FAM20B: variants seen among roughly 807,000 people sequenced by gnomAD.
FAM20B encodes FAM20B glycosaminoglycan xylosylkinase, also known as glycosaminoglycan xylosylkinase.
A neutral mutation model predicts 43.8 loss-of-function variants in FAM20B; 23 were observed. The observed-to-expected ratio is 0.53, with a 90% CI of 0.38 to 0.74. The LOEUF (loss-of-function observed/expected upper bound fraction) is 0.74, where lower values mean the gene tolerates loss of function less well. Among genes scored for constraint, FAM20B ranks in the 30% least tolerant of loss-of-function variants. The pLI is 0.00. For synonymous variants in FAM20B, 178 were observed against 192.4 expected (o/e 0.93, Z 0.62); for missense variants, 440 against 510.5 (o/e 0.86, Z 1.33).
chr1:179,048,633 G>T (rs1456957564), intron 2 of FAM20B, among the ~76,000 whole-genome samples: 5 of 151,920 alleles, frequency 3.3e-5, no homozygotes, highest in African/African-American at 9.7e-5. Context: ...TTGCTGCAGG[G>T]GTATTTCAAA....
At chr1:179,045,862 C>T (rs546204873) in intron 2 of FAM20B, among the ~76,000 whole-genome samples, 1 of 151,830 alleles carries the variant, frequency 6.6e-6, no homozygotes, top group East Asian at 1.9e-4. Context: ...CCACTGCCCT[C>T]CAGCCTGGGT....
upstream of FAM20B, among the ~76,000 whole-genome samples, chr1:179,021,317 C>CA (rs943728584): frequency 3.9e-3 from 583 of 148,386 alleles, 5 homozygotes; most frequent in African/African-American, 9.7e-3. Context: ...TCCATCACAA[C>CA]AAAAAAAAAA....
chr1:179,053,101 G>T (rs7527432), intron 3 of FAM20B, among the ~76,000 whole-genome samples: 36,633 of 151,954 alleles, frequency 0.24, 4,824 homozygotes, highest in East Asian at 0.38. Context: ...TTGTGACTTG[G>T]GCTTTGGGAG....
chr1:179,032,218 C>T (rs1343083233), intron 1 of FAM20B, among the ~76,000 whole-genome samples: 1 of 151,506 alleles, frequency 6.6e-6, no homozygotes, highest in African/African-American at 2.4e-5. Context: ...CTCTGGAGGT[C>T]ATCTGGGTTT....
At chr1:179,017,828 G>T in the FAM20B span, among the ~76,000 whole-genome samples, 1 of 152,288 alleles carries the variant, frequency 6.6e-6, no homozygotes, top group South Asian at 2.1e-4. Context: ...ATAATTCAAA[G>T]ACATAGGGTT....
Position 179,043,898 on chromosome 1 carries a change from T to C in FAM20B, c.51T>C (p.Phe17=). ...VVLLAILLVI[F]IFTKVFLIDN... is the part of the protein sequence containing the mutation. ...TGTTAGCAATTCTCCTTGTCATTTT[T>C]ATCTTCACCAAAGTTTTCCTGATTG... The change falls in exon 2 of 8, where the codon TTT becomes TTC. Residue 17 remains phenylalanine, a synonymous_variant. Transcript: ENST00000263733. 1 of 1,610,306 alleles carries C rather than the reference T, an allele frequency of 6.2e-7. No homozygotes were observed. The highest frequency in any genetic ancestry group is 8.5e-7 in the Non-Finnish European group (1 of 1,176,692).
Position 179,064,292 on chromosome 1 carries a change from T to C in FAM20B, c.747-13T>C. On this transcript the variant is annotated splice_polypyrimidine_tract_variant and intron_variant, in intron 5 of 7. Transcript: ENST00000263733. Reference sequence around the variant, plus strand: ...GTGTTGTCACTCAGTGCTGTGATGCTGCTTGTCTCCAGGTGGGAGTATGAT... The same window carrying C: ...GTGTTGTCACTCAGTGCTGTGATGCCGCTTGTCTCCAGGTGGGAGTATGAT... 6.3e-7 allele frequency: 1 copy of C among 1,594,678 alleles called. No individual in the cohort carries two copies. Among genetic ancestry groups the C allele is most frequent in the Non-Finnish European group, 8.6e-7 (1 of 1,166,436 alleles).
intron 4 of FAM20B, among the ~76,000 whole-genome samples, chr1:179,055,436 G>A (rs917870513): frequency 1.3e-5 from 2 of 152,176 alleles, no homozygotes; most frequent in Non-Finnish European, 2.9e-5. Context: ...CATTTAAAAT[G>A]AGGAAAAACT....
upstream of FAM20B, among the ~76,000 whole-genome samples, chr1:179,024,173 G>A (rs1649662369): frequency 6.6e-6 from 1 of 152,176 alleles, no homozygotes; most frequent in South Asian, 2.1e-4. Flanking sequence ...ATGTGGGATG[G>A]ATAGATGGAT....
chr1:179,075,914 T>C lies in FAM20B; in HGVS notation c.*3770T>C, dbSNP rs1189416852. 1.3e-5 allele frequency: 2 copies of C among 152,164 alleles called. No individual in the cohort carries two copies. The highest frequency in any genetic ancestry group is 4.8e-5 in the African/African-American group (2 of 41,428). 9.4% of individuals were successfully genotyped at this position (152,164 alleles called of 1,614,324 possible). A position where few individuals can be genotyped will look rare whatever the true frequency, so the allele number is the denominator to read the frequency against. ...AAAACAGCATCATCAGTAAGCTATC[T>C]TATATGCCTCATCCTGTGAGTTTGA... is the stretch of plus-strand genomic sequence containing the variant. On this transcript the variant is annotated 3_prime_UTR_variant, in exon 8 of 8. Coordinates refer to ENST00000263733, the MANE Select transcript of FAM20B (RefSeq NM_014864.4).
intron 4 of FAM20B, among the ~76,000 whole-genome samples, chr1:179,061,607 T>C (rs1351884562): frequency 6.6e-6 from 1 of 151,858 alleles, no homozygotes; most frequent in East Asian, 1.9e-4. Context: ...CAAGGTTTCA[T>C]TGTGTTGTCC....
At chr1:179,068,843 G>A (rs1220014929) in intron 7 of FAM20B, among the ~76,000 whole-genome samples, 1 of 152,226 alleles carries the variant, frequency 6.6e-6, no homozygotes, top group Non-Finnish European at 1.5e-5. Flanking sequence ...AATGACTGGA[G>A]TTTGGACTTC....
intron 1 of FAM20B, 131 bp downstream of exon 1, chr1:179,026,229 G>A (rs1425263309): frequency 1.3e-5 from 2 of 150,938 alleles, no homozygotes; most frequent in Non-Finnish European, 3.0e-5. Context: ...TGGGGGCGGG[G>A]CGCCTCCCTG....
At chr1:179,025,160 T>A (rs1649702487), upstream of FAM20B, among the ~76,000 whole-genome samples, 1 of 152,228 alleles carries the variant, frequency 6.6e-6, no homozygotes, top group African/African-American at 2.4e-5. Context: ...GAATCTTTCA[T>A]TCACACGATT....
At chr1:179,057,099 C>T (rs937501417) in intron 4 of FAM20B, among the ~76,000 whole-genome samples, 1 of 152,120 alleles carries the variant, frequency 6.6e-6, no homozygotes, top group Admixed American at 6.6e-5. Context: ...AATGCCAGCA[C>T]TTTGGGAGGC....
rs184212244 is a variant in FAM20B, at chr1:179,061,893, C to T, written c.575-2034C>T. 1.8e-4 allele frequency among the ~76,000 whole-genome samples: 27 copies of T among 152,214 alleles called. No individual in the cohort carries two copies. In the East Asian group the frequency reaches 3.1e-3, roughly 17 times the overall value. On this transcript the variant is annotated intron_variant, in intron 4 of 7. Transcript: ENST00000263733. ...ATGCTTAAACTGTTCCACATTTGGC[C>T]GGTGGGAACCTCTACAAACTAGTTC...
upstream of FAM20B, among the ~76,000 whole-genome samples, chr1:179,024,895 A>G (rs1649694155): frequency 6.6e-6 from 1 of 152,266 alleles, no homozygotes; most frequent in African/African-American, 2.4e-5. Context: ...AGCAAAGTTA[A>G]CTGGCACATC....
At chr1:179,026,278 G>A (rs1394966855) in intron 1 of FAM20B, among the ~76,000 whole-genome samples, 180 bp downstream of exon 1, 4 of 151,474 alleles carry the variant, frequency 2.6e-5, no homozygotes, top group Admixed American at 6.6e-5. Flanking sequence ...GTCCCCGAGT[G>A]GCTGCGGGCG....
intron 7 of FAM20B, among the ~76,000 whole-genome samples, chr1:179,067,845 T>G (rs1414189974): frequency 1.3e-5 from 2 of 152,006 alleles, no homozygotes; most frequent in Non-Finnish European, 2.9e-5. Flanking sequence ...CTCACCGAAA[T>G]CTCTGCCTTT....
Sources: gnomAD v4.1 joint callset for allele counts (sites outside exome capture counted in the v4.1 genomes callset) on GRCh38, gnomAD v4.1.1 for gene constraint, MANE v1.5 for transcripts, NCBI Gene and HGNC (gene_info 2026-07-23, HGNC 2026-07-21) for gene names.